The following CDH8 variants were observed in gnomAD, a reference collection of about 807,000 sequenced individuals.
CDH8 encodes the protein cadherin-8.
Under a neutral mutation model 68.1 loss-of-function variants are expected in CDH8, and 17 were observed. The ratio of observed to expected loss-of-function variants is 0.25; its 90% CI spans 0.17 to 0.37. The LOEUF (loss-of-function observed/expected upper bound fraction) is 0.37. CDH8 is among the 10% of genes least tolerant of loss of function. The pLI is 1.00. For synonymous variants in CDH8, 372 were observed against 365.1 expected, an observed-to-expected ratio of 1.02 and a Z score of -0.21; for missense variants, 763 against 999.3, an observed-to-expected ratio of 0.76 and a Z score of 3.19.
Position 61,901,423 on chromosome 16 carries a change from T to C in CDH8, c.303A>G (p.Ser101=). 1 of 1,613,934 alleles carries C rather than the reference T, an allele frequency of 6.2e-7. No homozygotes were observed. Among genetic ancestry groups the C allele is most frequent in the East Asian group, 2.2e-5 (1 of 44,870 alleles). ...GAAATATGGTCCCAGCTCCATCACC[T>C]GATAGGATATACTTGATTTTTTTGC... ...PGSKKIKYIL[S]GDGAGTIFQI... The change falls in exon 3 of 12, where the codon TCA becomes TCG. Residue 101 remains serine (S), a synonymous_variant. Coordinates refer to ENST00000577390, the MANE Select transcript of CDH8 (RefSeq NM_001796.5).
At chr16:61,871,572 T>C (rs1315931191) in intron 3 of CDH8, among the ~76,000 whole-genome samples, 1 of 151,818 alleles carries the variant, frequency 6.6e-6, no homozygotes, top group Non-Finnish European at 1.5e-5. Flanking sequence ...ACATCATTGA[T>C]GATCTTTATA....
intron 2 of CDH8, among the ~76,000 whole-genome samples, chr16:61,923,992 A>G (rs1313176950): frequency 6.7e-6 from 1 of 150,030 alleles, no homozygotes; most frequent in Non-Finnish European, 1.5e-5. Flanking sequence ...GGCCCTCTCT[A>G]GCAATTTTGG....
rs934875256 is a variant in CDH8, at chr16:61,987,433, C to T, written c.252+33719G>A. ...GAGGCAGGAGAATCACTTGAACCTG[C>T]GAGGCAGAGGTTGCAGTGAGCCAAG... is the stretch of plus-strand genomic sequence containing the variant. On this transcript the variant is annotated intron_variant, in intron 2 of 11. Transcript: ENST00000577390. Among the ~76,000 whole-genome samples, 4 of 151,936 alleles carry T rather than the reference C, an allele frequency of 2.6e-5. 1 individual carries two copies. The highest frequency in any genetic ancestry group is 2.6e-4 in the Admixed American group (4 of 15,226).
chr16:61,903,746 AGAACT>A (rs150316573), intron 2 of CDH8, among the ~76,000 whole-genome samples: 3,045 of 152,318 alleles, frequency 0.02, 97 homozygotes, highest in African/African-American at 0.069. Flanking sequence ...ATCTATCTGC[AGAACT>A]GATTTTAGAA....
At chr16:61,855,675 C>T (rs779234134) in intron 4 of CDH8, among the ~76,000 whole-genome samples, 1 of 152,150 alleles carries the variant, frequency 6.6e-6, no homozygotes, top group Non-Finnish European at 1.5e-5. Flanking sequence ...GCATCTAACA[C>T]ATTTCTGTCT....
chr16:61,776,115 T>C (rs1960893399), intron 8 of CDH8, among the ~76,000 whole-genome samples: 3 of 151,994 alleles, frequency 2.0e-5, no homozygotes, highest in South Asian at 4.2e-4. Flanking sequence ...GAGAGGAGGA[T>C]AGAAAAGGGA....
intron 2 of CDH8, among the ~76,000 whole-genome samples, chr16:61,904,263 A>G (rs1010509591): frequency 1.3e-5 from 2 of 152,220 alleles, no homozygotes; most frequent in East Asian, 1.9e-4. Flanking sequence ...TACAGAATAC[A>G]TGGTTACAAG....
At chr16:61,834,125 A>C (rs1962518390) in intron 4 of CDH8, among the ~76,000 whole-genome samples, 1 of 151,904 alleles carries the variant, frequency 6.6e-6, no homozygotes, top group Non-Finnish European at 1.5e-5. Flanking sequence ...GAGAGAGAAA[A>C]ACGTGGTAAT....
chr16:61,949,373 T>C (rs1312889871), intron 2 of CDH8, among the ~76,000 whole-genome samples: 5 of 152,092 alleles, frequency 3.3e-5, no homozygotes, highest in Non-Finnish European at 7.3e-5. Flanking sequence ...ATCAGCACTC[T>C]GTAAAGTGGA....
Position 61,699,582 on chromosome 16 carries a change from T to C in CDH8, c.1654+14259A>G, listed in dbSNP as rs112396834. On this transcript the variant is annotated intron_variant, in intron 10 of 11. Coordinates refer to ENST00000577390, the MANE Select transcript of CDH8 (RefSeq NM_001796.5). ...ATTCTTTTTCATTTTTATTTTATTTTATTCTATTTTGAGACAGGGTCTTGC... is the reference window on the plus strand; with the variant it reads ...ATTCTTTTTCATTTTTATTTTATTTCATTCTATTTTGAGACAGGGTCTTGC... 2.0e-5 allele frequency among the ~76,000 whole-genome samples: 3 copies of C among 152,198 alleles called. No homozygotes were observed. The East Asian group carries it at 5.8e-4, about 29-fold the overall frequency.
At chr16:61,996,993 T>TTGTGTGTG (rs5817332) in intron 2 of CDH8, among the ~76,000 whole-genome samples, 48 of 150,984 alleles carry the variant, frequency 3.2e-4, no homozygotes, top group African/African-American at 1.1e-3. Context: ...CCACAGAATA[T>TTGTGTGTG]TGTGTGTATG....
At chr16:61,683,113 TATTTTC>T (rs1964043174) in intron 10 of CDH8, among the ~76,000 whole-genome samples, 1 of 152,140 alleles carries the variant, frequency 6.6e-6, no homozygotes, top group South Asian at 2.1e-4. Context: ...TCTACTTTTA[TATTTTC>T]AATATTTTTC....
chr16:61,786,304 CAGAG>C (rs1224091362), intron 8 of CDH8, among the ~76,000 whole-genome samples: 1 of 70,724 alleles, frequency 1.4e-5, no homozygotes, highest in Non-Finnish European at 2.6e-5. Flanking sequence ...AACAGACAAA[CAGAG>C]AGCCAAATCA....
At chr16:62,032,339 G>A (rs1029758555) in intron 1 of CDH8, among the ~76,000 whole-genome samples, 5 of 152,240 alleles carry the variant, frequency 3.3e-5, no homozygotes, top group Admixed American at 1.3e-4. Context: ...ATGTGTGTGT[G>A]TTATTTGCGT....
At chr16:62,028,433 T>C (rs1480296377) in intron 1 of CDH8, among the ~76,000 whole-genome samples, 1 of 152,108 alleles carries the variant, frequency 6.6e-6, no homozygotes, top group Admixed American at 6.6e-5. Flanking sequence ...TTGTTTTCTT[T>C]AAGTTCTATA....
chr16:61,719,499 A>G (rs1959201584), intron 9 of CDH8, among the ~76,000 whole-genome samples: 1 of 149,750 alleles, frequency 6.7e-6, no homozygotes, highest in South Asian at 2.2e-4. Flanking sequence ...TGTATATCTG[A>G]TGTGTACTTT....
Position 61,652,621 on chromosome 16 carries a change from A to T in CDH8, c.*987T>A. ...TCTCATCAAAATGTACATGTATTAA[A>T]CATTCATTGTATATATATTTATATA... On this transcript the variant is annotated 3_prime_UTR_variant, in exon 12 of 12. Coordinates refer to ENST00000577390, the MANE Select transcript of CDH8 (RefSeq NM_001796.5). 1 of 1,059,974 alleles carries T rather than the reference A, an allele frequency of 9.4e-7. No homozygotes were observed. Among genetic ancestry groups the T allele is most frequent in the Non-Finnish European group, 1.2e-6 (1 of 847,978 alleles). The allele number at this position is 1,059,974 out of a possible 1,614,324, so 65.7% of individuals were successfully genotyped here. A position where few individuals can be genotyped will look rare whatever the true frequency, so the allele number is the denominator to read the frequency against.
At chr16:61,695,591 C>A (rs190547251) in intron 10 of CDH8, among the ~76,000 whole-genome samples, 8 of 152,230 alleles carry the variant, frequency 5.3e-5, no homozygotes, top group African/African-American at 1.9e-4. Context: ...AGTAACTGCC[C>A]ACCCCTTTCC....
intron 8 of CDH8, among the ~76,000 whole-genome samples, chr16:61,734,805 C>T (rs1959631324): frequency 6.6e-6 from 1 of 151,882 alleles, no homozygotes; most frequent in African/African-American, 2.4e-5. Flanking sequence ...TTTTTCTTTT[C>T]TTTTTCGTAA....
Sources: gnomAD v4.1 joint callset for allele counts (sites outside exome capture counted in the v4.1 genomes callset) on GRCh38, gnomAD v4.1.1 for gene constraint, MANE v1.5 for transcripts, NCBI Gene and HGNC (gene_info 2026-07-23, HGNC 2026-07-21) for gene names.